The following RBFOX1 variants were observed in gnomAD, a reference collection of about 807,000 sequenced individuals.
RBFOX1 encodes RNA binding fox-1 homolog 1, also known as RNA binding protein fox-1 homolog 1.
Under a neutral mutation model 57.7 loss-of-function variants are expected in RBFOX1, and 8 were observed. The observed-to-expected ratio is 0.14, with a 90% CI of 0.08 to 0.25. RBFOX1 has a LOEUF of 0.25. RBFOX1 is among the 10% of genes least tolerant of loss of function. RBFOX1 has a pLI of 1.00. For missense variants in RBFOX1, 611 were observed against 548.5 expected, an observed-to-expected ratio of 1.11 and a Z score of -1.14; for synonymous variants, 326 against 222.4, an observed-to-expected ratio of 1.47 and a Z score of -4.15.
intron 1 of RBFOX1, among the ~76,000 whole-genome samples, chr16:5,390,899 G>T (rs2066390514): frequency 6.6e-6 from 1 of 152,176 alleles, no homozygotes; most frequent in South Asian, 2.1e-4. Context: ...AGGAAGCAGA[G>T]CATAGGCTTG....
At chr16:6,823,882 G>A (rs190854546) in intron 3 of RBFOX1, among the ~76,000 whole-genome samples, 36 of 152,236 alleles carry the variant, frequency 2.4e-4, no homozygotes, top group Non-Finnish European at 4.0e-4. Flanking sequence ...GGGGATTACA[G>A]ATTGCTGCAA....
intron 3 of RBFOX1, among the ~76,000 whole-genome samples, chr16:6,657,249 T>C (rs1197027162): frequency 1.3e-5 from 2 of 151,914 alleles, no homozygotes; most frequent in Non-Finnish European, 2.9e-5. Flanking sequence ...TCCTTCAAAT[T>C]CCCAGTAATA....
intron 2 of RBFOX1, among the ~76,000 whole-genome samples, chr16:5,536,493 C>G (rs949440446): frequency 6.6e-6 from 1 of 152,056 alleles, no homozygotes; most frequent in African/African-American, 2.4e-5. Context: ...GCCTTGGCCT[C>G]CCAAAGTGCT....
At chr16:5,900,765 A>G (rs956292227) in intron 4 of RBFOX1, among the ~76,000 whole-genome samples, 1 of 152,160 alleles carries the variant, frequency 6.6e-6, no homozygotes. Flanking sequence ...GGTGCCAGGA[A>G]TGTCAAATTA....
chr16:6,075,890 C>T (rs746616302), intron 1 of RBFOX1, among the ~76,000 whole-genome samples: 4 of 152,188 alleles, frequency 2.6e-5, no homozygotes, highest in Non-Finnish European at 5.9e-5. Flanking sequence ...ATTTATTGTG[C>T]ACTGTCTCAT....
chr16:5,307,370 C>A (rs1401954055), intron 1 of RBFOX1, among the ~76,000 whole-genome samples: 1 of 152,198 alleles, frequency 6.6e-6, no homozygotes, highest in Non-Finnish European at 1.5e-5. Context: ...TCTCTCCCTG[C>A]CATCTTCCCC....
chr16:6,820,302 C>T (rs1298854976), intron 3 of RBFOX1, among the ~76,000 whole-genome samples: 1 of 152,118 alleles, frequency 6.6e-6, no homozygotes, highest in African/African-American at 2.4e-5. Context: ...TGAAAATAGA[C>T]TAATACGTCC....
intron 3 of RBFOX1, among the ~76,000 whole-genome samples, chr16:7,042,412 C>A (rs190788672): frequency 6.6e-6 from 1 of 152,148 alleles, no homozygotes; most frequent in Non-Finnish European, 1.5e-5. Context: ...TGAATATTTC[C>A]TATCTTTACG....
At chr16:7,054,771 G>C (rs955192553) in intron 4 of RBFOX1, among the ~76,000 whole-genome samples, 1 of 152,168 alleles carries the variant, frequency 6.6e-6, no homozygotes, top group Non-Finnish European at 1.5e-5. Flanking sequence ...TTCCAGATTT[G>C]CTATCCAGGA....
intron 2 of RBFOX1, among the ~76,000 whole-genome samples, chr16:5,541,853 G>A (rs987497353): frequency 4.6e-5 from 7 of 152,100 alleles, no homozygotes; most frequent in African/African-American, 1.2e-4. Flanking sequence ...GCTGTTCTAC[G>A]GAAAGCATTG....
chr16:6,658,195 C>T (rs958532821), intron 3 of RBFOX1, among the ~76,000 whole-genome samples: 4 of 151,962 alleles, frequency 2.6e-5, no homozygotes, highest in African/African-American at 9.7e-5. Context: ...GACCACATAT[C>T]ATGATAGAAG....
intron 4 of RBFOX1, among the ~76,000 whole-genome samples, chr16:7,432,799 C>A (rs769238018): frequency 6.6e-6 from 1 of 152,178 alleles, no homozygotes; most frequent in Non-Finnish European, 1.5e-5. Flanking sequence ...TCTGTTGATT[C>A]CTGGAACTAT....
chr16:5,857,570 A>G (rs1324430937), intron 3 of RBFOX1, among the ~76,000 whole-genome samples: 1 of 152,114 alleles, frequency 6.6e-6, no homozygotes, highest in Non-Finnish European at 1.5e-5. Flanking sequence ...ACAGCCAAAT[A>G]TGCCTCCAGA....
At chr16:6,406,898 C>G (rs541487660) in intron 2 of RBFOX1, among the ~76,000 whole-genome samples, 1 of 152,154 alleles carries the variant, frequency 6.6e-6, no homozygotes, top group Non-Finnish European at 1.5e-5. Flanking sequence ...GGCTGACCCC[C>G]CTACTGACTG....
chr16:6,762,432 A>G (rs969415867), intron 3 of RBFOX1, among the ~76,000 whole-genome samples: 11 of 152,168 alleles, frequency 7.2e-5, no homozygotes, highest in Admixed American at 2.0e-4. Flanking sequence ...ACCACCGACA[A>G]TGAAATTATG....
At chr16:7,035,248 G>C (rs553144474) in intron 3 of RBFOX1, among the ~76,000 whole-genome samples, 12 of 152,186 alleles carry the variant, frequency 7.9e-5, no homozygotes, top group African/African-American at 2.2e-4. Flanking sequence ...CTCCAAGTGA[G>C]AACTGTACTT....
intron 1 of RBFOX1, among the ~76,000 whole-genome samples, chr16:6,035,017 T>C (rs531021543): frequency 2.6e-5 from 4 of 152,308 alleles, no homozygotes; most frequent in African/African-American, 9.6e-5. Flanking sequence ...GATTGTGCTG[T>C]TGACCTTTTG....
At chr16:5,328,619 C>G (rs2064653768) in intron 1 of RBFOX1, among the ~76,000 whole-genome samples, 1 of 152,192 alleles carries the variant, frequency 6.6e-6, no homozygotes, top group South Asian at 2.1e-4. Context: ...CCACCAAGCC[C>G]CATGCCTGTC....
At chr16:5,311,465 G>A (rs2064087592) in intron 1 of RBFOX1, among the ~76,000 whole-genome samples, 1 of 152,158 alleles carries the variant, frequency 6.6e-6, no homozygotes, top group Non-Finnish European at 1.5e-5. Flanking sequence ...AGTTCTTTAA[G>A]ATATCTCCAT....
Sources: gnomAD v4.1 joint callset for allele counts (sites outside exome capture counted in the v4.1 genomes callset) on GRCh38, gnomAD v4.1.1 for gene constraint, MANE v1.5 for transcripts, NCBI Gene and HGNC (gene_info 2026-07-23, HGNC 2026-07-21) for gene names.